TMEM196: variants seen among roughly 807,000 people sequenced by gnomAD.
TMEM196 encodes transmembrane protein 196.
In TMEM196, 17 loss-of-function variants were observed where a neutral mutation model predicts 20.0. That is an observed-to-expected ratio of 0.85 (90% CI 0.58 to 1.27). TMEM196 has a LOEUF of 1.27. TMEM196 is among the 50% of genes most tolerant of loss of function. The pLI is 0.00. For missense variants in TMEM196, 267 were observed against 223.0 expected (o/e 1.20, Z -1.26); for synonymous variants, 113 against 88.9 (o/e 1.27, Z -1.52).
chr7:19,729,851 C>T (rs1340810887), intron 1 of TMEM196, among the ~76,000 whole-genome samples: 3 of 152,190 alleles, frequency 2.0e-5, no homozygotes, highest in Non-Finnish European at 4.4e-5. Context: ...AAAGATAATG[C>T]ATCAGACAAG....
chr7:19,750,758 T>G (rs1784930234), intron 1 of TMEM196, among the ~76,000 whole-genome samples: 1 of 152,192 alleles, frequency 6.6e-6, no homozygotes, highest in African/African-American at 2.4e-5. Context: ...ACATCATTCC[T>G]TCAGAAATAG....
At chr7:19,760,910 T>G (rs972554036) in intron 1 of TMEM196, among the ~76,000 whole-genome samples, 3 of 152,186 alleles carry the variant, frequency 2.0e-5, no homozygotes, top group Admixed American at 6.5e-5. Flanking sequence ...TAACAGAAGC[T>G]TGTGCTCCTG....
At chr7:19,728,594 A>G (rs1348562305) in intron 2 of TMEM196, among the ~76,000 whole-genome samples, 1 of 152,184 alleles carries the variant, frequency 6.6e-6, no homozygotes, top group East Asian at 1.9e-4. Context: ...CTCACCTTGG[A>G]AAACTCTCTT....
intron 1 of TMEM196, among the ~76,000 whole-genome samples, chr7:19,769,575 G>C (rs1785777904): frequency 6.6e-6 from 1 of 152,092 alleles, no homozygotes. Context: ...CTCAGTATTA[G>C]CTGCTCATAT....
At chr7:19,722,430 C>G (rs192657548) in intron 4 of TMEM196, among the ~76,000 whole-genome samples, 1 of 152,160 alleles carries the variant, frequency 6.6e-6, no homozygotes, top group East Asian at 1.9e-4. Context: ...TTGGAAAGAC[C>G]TCACCTAGAA....
Position 19,762,662 on chromosome 7 carries a change from C to T in TMEM196, c.147+9888G>A, listed in dbSNP as rs73261327. 7.9e-3 allele frequency among the ~76,000 whole-genome samples: 1,198 copies of T among 152,040 alleles called. 10 individuals are homozygous for T. Among genetic ancestry groups the T allele is most frequent in the African/African-American group, 0.027 (1,133 of 41,452 alleles). On this transcript the variant is annotated intron_variant, in intron 1 of 4. Coordinates refer to ENST00000405844, the MANE Select transcript of TMEM196 (RefSeq NM_001363562.2). ...GGACAACATTCAGATATAAAGCTCA[C>T]AACTTGAAACATGTGGAAACTATAA...
chr7:19,751,950 A>G (rs1182296405), intron 1 of TMEM196, among the ~76,000 whole-genome samples: 1 of 152,148 alleles, frequency 6.6e-6, no homozygotes, highest in Non-Finnish European at 1.5e-5. Context: ...TACAATTAAC[A>G]AGATTTCAAG....
intron 1 of TMEM196, among the ~76,000 whole-genome samples, chr7:19,749,730 T>A (rs1442032758): frequency 6.6e-6 from 1 of 152,186 alleles, no homozygotes; most frequent in Non-Finnish European, 1.5e-5. Flanking sequence ...CTATTTTTGT[T>A]GTCTCCTTTA....
chr7:19,724,930 T>C (rs1459056965), intron 3 of TMEM196, among the ~76,000 whole-genome samples: 2 of 152,192 alleles, frequency 1.3e-5, no homozygotes, highest in Non-Finnish European at 2.9e-5. Context: ...CCTATTTATA[T>C]GGGTTTCATG....
At chr7:19,762,842 C>G (rs1785488644) in intron 1 of TMEM196, among the ~76,000 whole-genome samples, 1 of 152,154 alleles carries the variant, frequency 6.6e-6, no homozygotes, top group Admixed American at 6.5e-5. Context: ...AAGTTATGTT[C>G]TTCCCAAGAA....
At chr7:19,745,586 T>C (rs1037245891) in intron 1 of TMEM196, among the ~76,000 whole-genome samples, 1 of 151,748 alleles carries the variant, frequency 6.6e-6, no homozygotes, top group Admixed American at 6.6e-5. Context: ...TTATTTCCAT[T>C]TATCTATTAA....
At chr7:19,763,128 T>C (rs772782797) in intron 1 of TMEM196, among the ~76,000 whole-genome samples, 10 of 152,190 alleles carry the variant, frequency 6.6e-5, no homozygotes, top group East Asian at 1.9e-4. Flanking sequence ...TTGATTTTTA[T>C]CCTACTTCTG....
intron 1 of TMEM196, among the ~76,000 whole-genome samples, chr7:19,754,654 T>A (rs754706108): frequency 2.0e-5 from 3 of 147,924 alleles, no homozygotes; most frequent in Non-Finnish European, 4.4e-5. Flanking sequence ...GGCCATGAAC[T>A]ATAAGAAAAA....
chr7:19,742,023 C>G (rs1422687998), intron 1 of TMEM196, among the ~76,000 whole-genome samples: 1 of 152,182 alleles, frequency 6.6e-6, no homozygotes, highest in Admixed American at 6.6e-5. Context: ...TCTTTAGACC[C>G]CTTTTTAGCC....
intron 1 of TMEM196, among the ~76,000 whole-genome samples, chr7:19,756,209 A>G (rs1342257016): frequency 6.6e-6 from 1 of 152,150 alleles, no homozygotes; most frequent in African/African-American, 2.4e-5. Flanking sequence ...GGGGGATTTC[A>G]GCAATGTAGT....
intron 1 of TMEM196, among the ~76,000 whole-genome samples, chr7:19,733,663 A>ATT: frequency 6.7e-6 from 1 of 149,968 alleles, no homozygotes; most frequent in African/African-American, 2.4e-5. Context: ...CCTTTTTTAA[A>ATT]AAAAAAAAAA....
At chr7:19,724,471 G>T in intron 3 of TMEM196, 118 bp from the exon 4 acceptor site, 2 of 861,956 alleles carry the variant, frequency 2.3e-6, no homozygotes, top group East Asian at 5.4e-5. Flanking sequence ...ATATAAAATG[G>T]TCATCTATTT....
At chr7:19,741,123 C>T (rs1015467980) in intron 1 of TMEM196, among the ~76,000 whole-genome samples, 1 of 152,144 alleles carries the variant, frequency 6.6e-6, no homozygotes, top group East Asian at 1.9e-4. Context: ...GAATTATGCT[C>T]TGTGACGGGC....
chr7:19,734,021 C>T (rs188789814), intron 1 of TMEM196, among the ~76,000 whole-genome samples: 2 of 152,254 alleles, frequency 1.3e-5, no homozygotes, highest in Admixed American at 6.5e-5. Flanking sequence ...CCCTCCACCC[C>T]AACCCTGTGA....
Sources: gnomAD v4.1 joint callset for allele counts (sites outside exome capture counted in the v4.1 genomes callset) on GRCh38, gnomAD v4.1.1 for gene constraint, MANE v1.5 for transcripts, NCBI Gene and HGNC (gene_info 2026-07-23, HGNC 2026-07-21) for gene names.